SOX5: variants seen among roughly 807,000 people sequenced by gnomAD.
SOX5 encodes the protein transcription factor SOX-5.
Under a neutral mutation model 92.0 loss-of-function variants are expected in SOX5, and 9 were observed. The ratio of observed to expected loss-of-function variants is 0.10; its 90% CI spans 0.06 to 0.17. SOX5 has a LOEUF of 0.17. Ranked by LOEUF, SOX5 falls within the 10% of genes least tolerant of loss-of-function variation. SOX5 has a pLI of 1.00. For synonymous variants in SOX5, 344 were observed against 336.3 expected (o/e 1.02, Z -0.25); for missense variants, 642 against 944.5 (o/e 0.68, Z 4.20).
At chr12:24,010,486 G>A (rs994147527) in intron 4 of SOX5, among the ~76,000 whole-genome samples, 49 of 152,346 alleles carry the variant, frequency 3.2e-4, no homozygotes, top group African/African-American at 1.1e-3. Flanking sequence ...GGAGGTAGCA[G>A]TTGCTTTGCC....
chr12:23,950,784 T>A, upstream of SOX5: 1 of 1,264,572 alleles, frequency 7.9e-7, no homozygotes, highest in East Asian at 2.5e-5. Context: ...TAGATAAAAA[T>A]CTGGCAGCCG....
intron 2 of SOX5, among the ~76,000 whole-genome samples, chr12:24,323,087 A>G (rs575640431): frequency 6.6e-6 from 1 of 152,174 alleles, no homozygotes; most frequent in East Asian, 1.9e-4. Context: ...GAAAATTGTT[A>G]GAAATGCATA....
intron 2 of SOX5, among the ~76,000 whole-genome samples, chr12:24,343,290 G>A (rs901588786): frequency 6.6e-6 from 1 of 151,944 alleles, no homozygotes; most frequent in Non-Finnish European, 1.5e-5. Context: ...TTTACAATCT[G>A]GATCCATGTC....
chr12:23,825,354 G>A (rs1457102162), intron 3 of SOX5, among the ~76,000 whole-genome samples: 1 of 152,234 alleles, frequency 6.6e-6, no homozygotes, highest in African/African-American at 2.4e-5. Context: ...TGCAATTCCC[G>A]GGTGAGGCAA....
At chr12:23,942,918 A>T (rs1943927648) in intron 1 of SOX5, among the ~76,000 whole-genome samples, 1 of 152,086 alleles carries the variant, frequency 6.6e-6, no homozygotes, top group Admixed American at 6.6e-5. Context: ...CTTTCTTTCA[A>T]AGATGTGAAG....
chr12:24,039,404 T>C (rs1251306826), intron 4 of SOX5, among the ~76,000 whole-genome samples: 5 of 152,174 alleles, frequency 3.3e-5, no homozygotes, highest in Non-Finnish European at 7.4e-5. Flanking sequence ...AAAGTCAACA[T>C]TGATAGATAA....
At chr12:23,638,921 T>C (rs1339561989) in intron 8 of SOX5, among the ~76,000 whole-genome samples, 1 of 152,028 alleles carries the variant, frequency 6.6e-6, no homozygotes, top group Non-Finnish European at 1.5e-5. Flanking sequence ...TATATGTTTA[T>C]GTAAATGTGT....
chr12:23,831,615 C>CT (rs922110037), intron 3 of SOX5, among the ~76,000 whole-genome samples: 10 of 151,960 alleles, frequency 6.6e-5, no homozygotes, highest in Non-Finnish European at 1.5e-4. Context: ...GAAGAGAACT[C>CT]TTTTTTTAAA....
chr12:24,348,044 C>A (rs1318860654), intron 2 of SOX5, among the ~76,000 whole-genome samples: 2 of 64,838 alleles, frequency 3.1e-5, no homozygotes, highest in East Asian at 4.6e-4. Flanking sequence ...GATAATACAG[C>A]TAATCAAAAA....
intron 4 of SOX5, among the ~76,000 whole-genome samples, chr12:23,744,046 C>T (rs1264859854): frequency 6.6e-6 from 1 of 152,164 alleles, no homozygotes; most frequent in African/African-American, 2.4e-5. Flanking sequence ...TTTGAACCTT[C>T]AGCCCATCTT....
At chr12:24,048,768 A>G (rs1419927635) in intron 4 of SOX5, among the ~76,000 whole-genome samples, 2 of 152,232 alleles carry the variant, frequency 1.3e-5, no homozygotes, top group Non-Finnish European at 2.9e-5. Flanking sequence ...AAAATATCAC[A>G]TACAATATGA....
At chr12:24,134,638 A>C (rs1949953657) in intron 4 of SOX5, among the ~76,000 whole-genome samples, 1 of 152,194 alleles carries the variant, frequency 6.6e-6, no homozygotes, top group African/African-American at 2.4e-5. Context: ...GAAATGGTGA[A>C]AATGTTCTCA....
intron 1 of SOX5, among the ~76,000 whole-genome samples, chr12:23,922,915 A>ACT (rs1488993208): frequency 1.3e-5 from 2 of 150,392 alleles, no homozygotes; most frequent in Non-Finnish European, 3.0e-5. Flanking sequence ...GGAGTACACG[A>ACT]CTCTCAGTTA....
intron 4 of SOX5, among the ~76,000 whole-genome samples, chr12:23,747,504 T>G (rs1440062969): frequency 6.6e-6 from 1 of 152,160 alleles, no homozygotes; most frequent in African/African-American, 2.4e-5. Flanking sequence ...CCTTCTTCCC[T>G]GACATTATCT....
intron 1 of SOX5, among the ~76,000 whole-genome samples, chr12:24,403,778 T>C (rs781517977): frequency 5.9e-5 from 9 of 152,216 alleles, no homozygotes; most frequent in Non-Finnish European, 1.3e-4. Context: ...TTCTTAAGCA[T>C]TTCTCAATAC....
intron 2 of SOX5, among the ~76,000 whole-genome samples, chr12:24,331,865 A>AAAAAAAAAAAG (rs1951361245): frequency 6.7e-6 from 1 of 150,092 alleles, no homozygotes; most frequent in African/African-American, 2.4e-5. Context: ...AAAAAAAAAA[A>AAAAAAAAAAAG]AAAAAAAAAA....
At chr12:23,688,934 G>T (rs756858479) in intron 6 of SOX5, among the ~76,000 whole-genome samples, 1 of 152,094 alleles carries the variant, frequency 6.6e-6, no homozygotes, top group Non-Finnish European at 1.5e-5. Flanking sequence ...TCTAAAAAAA[G>T]ATCAGGAATT....
At chr12:24,057,591 G>A (rs190396392) in intron 4 of SOX5, among the ~76,000 whole-genome samples, 11 of 152,176 alleles carry the variant, frequency 7.2e-5, no homozygotes, top group Admixed American at 3.9e-4. Context: ...AGTAGTAACC[G>A]ATAATATCAA....
At chr12:24,545,572 T>C (rs1392402299) in intron 1 of SOX5, among the ~76,000 whole-genome samples, 8 of 151,872 alleles carry the variant, frequency 5.3e-5, no homozygotes, top group Non-Finnish European at 8.8e-5. Context: ...CCCAGGAAAA[T>C]GGCAGAATTG....
Sources: gnomAD v4.1 joint callset for allele counts (sites outside exome capture counted in the v4.1 genomes callset) on GRCh38, gnomAD v4.1.1 for gene constraint, MANE v1.5 for transcripts, NCBI Gene and HGNC (gene_info 2026-07-23, HGNC 2026-07-21) for gene names.